The following TARBP1 variants were observed in gnomAD, a reference collection of about 807,000 sequenced individuals.
TARBP1 encodes tRNA (guanosine(18)-2'-O)-methyltransferase TARBP1.
TARBP1 carries 144 observed loss-of-function variants against 178.6 expected under a neutral mutation model. The observed-to-expected ratio is 0.81, with a 90% CI of 0.70 to 0.93. The LOEUF (loss-of-function observed/expected upper bound fraction) is 0.93, where lower values mean the gene tolerates loss of function less well. Among genes scored for constraint, TARBP1 ranks in the 40% least tolerant of loss-of-function variants. The pLI, the probability that TARBP1 is intolerant of heterozygous loss-of-function variation, is 0.00. For missense variants in TARBP1, 2,067 were observed against 2,011.7 expected, an observed-to-expected ratio of 1.03 and a Z score of -0.53; for synonymous variants, 787 against 781.0, an observed-to-expected ratio of 1.01 and a Z score of -0.13.
rs1281061420 is a variant in TARBP1, at chr1:234,479,129, C to G, written c.-26G>C. ...TTGCCGAGCGCCCGCGCCACCGGCC[C>G]GGGCTCCCAAAGGAAGGCGCCGGCG... On this transcript the variant is annotated 5_prime_UTR_variant, in exon 1 of 30. Coordinates refer to ENST00000040877, the MANE Select transcript of TARBP1 (RefSeq NM_005646.4). 1.3e-6 allele frequency: 2 copies of G among 1,509,690 alleles called. No homozygotes were observed. The highest frequency in any genetic ancestry group is 1.8e-6 in the Non-Finnish European group (2 of 1,142,646). 93.5% of individuals were successfully genotyped at this position (1,509,690 alleles called of 1,614,324 possible). A position where few individuals can be genotyped will look rare whatever the true frequency, so the allele number is the denominator to read the frequency against.
Position 234,392,474 on chromosome 1 carries a change from C to T in TARBP1, c.4639G>A (p.Ala1547Thr), listed in dbSNP as rs762284803. The stretch of plus-strand genomic sequence containing the variant: ...TATTGGGTTAGGTCTAAACTTTTGG[C>T]AGTTTGTTCCACTCCAATGATGGTA... Reference protein sequence around the residue: ...GYTIIGVEQTAKSLDLTQYCF... With the variant: ...GYTIIGVEQTTKSLDLTQYCF... Residue 1547 changes from alanine to threonine, a missense_variant, in exon 29 of 30, where the codon GCC becomes ACC. Transcript: ENST00000040877. The T allele has an allele frequency of 1.1e-5, 18 of 1,614,044 alleles. No individual in the cohort carries two copies. The highest frequency in any genetic ancestry group is 6.6e-5 in the South Asian group (6 of 91,082).
In TARBP1 at chr1:234,437,334, T is replaced by C. The variant is rs772502729; in HGVS notation, c.2173A>G (p.Thr725Ala). Reference sequence around the variant, plus strand: ...ATAAATTCAGAAATGCTCTCTGTAGTAGACATGAAAAAGTTCTGAAGAACA... The same window carrying C: ...ATAAATTCAGAAATGCTCTCTGTAGCAGACATGAAAAAGTTCTGAAGAACA... ...STVLQNFFMS[T>A]TESISEFILR... The change falls in exon 13 of 30, where the codon ACT (threonine) becomes GCT (alanine). Residue 725 changes from threonine (T) to alanine (A), a missense_variant. By Grantham distance (58) the Thr-to-Ala change is moderately conservative (BLOSUM62 0). Transcript: ENST00000040877. 2 of 1,597,160 alleles carry C rather than the reference T, an allele frequency of 1.3e-6. No individual in the cohort carries two copies. The highest frequency in any genetic ancestry group is 1.7e-5 in the Admixed American group (1 of 57,884).
intron 12 of TARBP1, among the ~76,000 whole-genome samples, chr1:234,442,533 A>C (rs1012618676): frequency 1.3e-5 from 2 of 152,236 alleles, no homozygotes; most frequent in African/African-American, 4.8e-5. Context: ...AGCCACCAGC[A>C]AATGATTGGA....
At chr1:234,423,220 A>T (rs6676309) in intron 20 of TARBP1, among the ~76,000 whole-genome samples, 36,707 of 151,944 alleles carry the variant, frequency 0.24, 4,702 homozygotes, top group East Asian at 0.44. Flanking sequence ...TTTTGCTACA[A>T]CCTCACCAAT....
chr1:234,396,230 C>T (rs930083008), intron 26 of TARBP1, among the ~76,000 whole-genome samples: 6 of 152,230 alleles, frequency 3.9e-5, no homozygotes, highest in African/African-American at 7.2e-5. Context: ...CTCCGCTTTA[C>T]GCAGAACTCG....
rs1051802462 is a variant in TARBP1, at chr1:234,478,725, C to A, written c.379G>T (p.Asp127Tyr). 6.5e-5 allele frequency: 77 copies of A among 1,192,732 alleles called. No individual in the cohort carries two copies. The highest frequency in any genetic ancestry group is 7.7e-5 in the Non-Finnish European group (74 of 963,584). 73.9% of individuals were successfully genotyped at this position (1,192,732 alleles called of 1,614,324 possible). ...AAALAEEALR[D>Y]LLAGWRAPGA... ...GGCGCGCGCCACCCGGCGAGCAGAT[C>A]GCGCAGCGCCTCCTCAGCCAGCGCG... The change falls in exon 1 of 30, where the codon GAT (aspartate) becomes TAT (tyrosine). Residue 127 changes from aspartate to tyrosine, a missense_variant. Coordinates refer to ENST00000040877, the MANE Select transcript of TARBP1 (RefSeq NM_005646.4).
Position 234,425,263 on chromosome 1 carries a change from C to T in TARBP1, c.3444+410G>A, listed in dbSNP as rs548820024. Among the ~76,000 whole-genome samples, 6 of 152,262 alleles carry T rather than the reference C, an allele frequency of 3.9e-5. No individual in the cohort carries two copies. The South Asian group carries it at 1.2e-3, about 32-fold the overall frequency. On this transcript the variant is annotated intron_variant, in intron 20 of 29. Coordinates refer to ENST00000040877, the MANE Select transcript of TARBP1 (RefSeq NM_005646.4). Reference sequence around the variant, plus strand: ...AGAAAAAACAAACAAACAAAAAACACAACCGGGTTTGACTGGCACTGGAAA... The same window carrying T: ...AGAAAAAACAAACAAACAAAAAACATAACCGGGTTTGACTGGCACTGGAAA...
chr1:234,396,603 ACAAT>A (rs1293258023), intron 26 of TARBP1, among the ~76,000 whole-genome samples: 1 of 152,248 alleles, frequency 6.6e-6, no homozygotes, highest in East Asian at 1.9e-4. Flanking sequence ...CACGCAGGAG[ACAAT>A]CAATCAATCT....
At chr1:234,457,641 C>T (rs1327069307) in intron 9 of TARBP1, 26 bp downstream of exon 9, 1 of 1,514,852 alleles carries the variant, frequency 6.6e-7, no homozygotes, top group African/African-American at 1.4e-5. Flanking sequence ...TTTTCAAAGA[C>T]TTTATTAAAT....
intron 6 of TARBP1, among the ~76,000 whole-genome samples, chr1:234,462,135 C>T (rs1431918355): frequency 6.6e-6 from 1 of 152,190 alleles, no homozygotes; most frequent in African/African-American, 2.4e-5. Flanking sequence ...CCATCTTTTG[C>T]CTAACGCTTC....
intron 20 of TARBP1, among the ~76,000 whole-genome samples, chr1:234,423,034 G>C (rs907046867): frequency 2.0e-5 from 3 of 152,240 alleles, no homozygotes; most frequent in African/African-American, 7.2e-5. Flanking sequence ...CTGTAGACTG[G>C]GGGCAGGGCC....
At chr1:234,391,912 A>C (rs1659408541) in intron 29 of TARBP1, among the ~76,000 whole-genome samples, 167 bp from the exon 30 acceptor site, 1 of 152,210 alleles carries the variant, frequency 6.6e-6, no homozygotes, top group Admixed American at 6.5e-5. Context: ...CGGGAAATAA[A>C]TAAGAGTGTA....
At chr1:234,432,399 G>C (rs147360193) in intron 14 of TARBP1, among the ~76,000 whole-genome samples, 1 of 152,204 alleles carries the variant, frequency 6.6e-6, no homozygotes, top group East Asian at 1.9e-4. Flanking sequence ...CCAAGATCAC[G>C]CCACTGCACT....
At chr1:234,436,785 T>C (rs1216487681) in intron 13 of TARBP1, among the ~76,000 whole-genome samples, 7 of 152,210 alleles carry the variant, frequency 4.6e-5, no homozygotes, top group South Asian at 2.1e-4. Context: ...AAAGCTTGTT[T>C]AGATGTCCCA....
At position 234,425,676 on chromosome 1, in the gene TARBP1, A is replaced by T. The variant is rs767580040; in HGVS notation, c.3441T>A (p.Asp1147Glu). ...ATTTAAAGTAAAATACACTTACTTT[A>T]TCTAATAGCTTGATTGCAAGATCCT... is the stretch of plus-strand genomic sequence containing the variant. ...FIEDLAIKLL[D>E]KDELVSKSKK... The change falls in exon 20 of 30, where the codon GAT (aspartate) becomes GAA (glutamate). Residue 1147 changes from aspartate (D) to glutamate (E), a missense_variant. Asp to Glu is a conservative substitution (Grantham distance 45). Coordinates refer to ENST00000040877, the MANE Select transcript of TARBP1 (RefSeq NM_005646.4). The T allele has an allele frequency of 6.2e-6, 10 of 1,611,114 alleles. No homozygotes were observed. Among genetic ancestry groups the T allele is most frequent in the Non-Finnish European group, 8.5e-6 (10 of 1,179,074 alleles).
At chr1:234,450,271 T>G (rs974093176) in intron 10 of TARBP1, among the ~76,000 whole-genome samples, 157 bp downstream of exon 10, 1 of 152,198 alleles carries the variant, frequency 6.6e-6, no homozygotes, top group Non-Finnish European at 1.5e-5. Flanking sequence ...AGACAGTATC[T>G]TTACTTTTTT....
At chr1:234,438,583 A>G (rs748049727) in intron 12 of TARBP1, among the ~76,000 whole-genome samples, 7 of 152,350 alleles carry the variant, frequency 4.6e-5, no homozygotes, top group Middle Eastern at 6.8e-3. Flanking sequence ...AAAATATGAC[A>G]TCTGAACAAC....
chr1:234,454,721 A>G (rs1161032182), intron 9 of TARBP1, among the ~76,000 whole-genome samples: 1 of 152,226 alleles, frequency 6.6e-6, no homozygotes. Flanking sequence ...TCAGACTGGT[A>G]AAAAATCCTG....
intron 5 of TARBP1, 32 bp from the exon 6 acceptor site, chr1:234,463,966 T>C: frequency 7.0e-7 from 1 of 1,423,342 alleles, no homozygotes; most frequent in African/African-American, 1.5e-5. Flanking sequence ...AACAAATATT[T>C]AACATTTATT....
Sources: allele counts gnomAD v4.1 joint callset (sites outside exome capture counted in the v4.1 genomes callset), GRCh38; gene constraint gnomAD v4.1.1; transcripts MANE v1.5; gene names NCBI Gene and HGNC (gene_info 2026-07-23, HGNC 2026-07-21).